CD2AP: variants seen among roughly 807,000 people sequenced by gnomAD.
The protein encoded by CD2AP is CD2 associated protein, also known as CD2-associated protein.
CD2AP carries 46 observed loss-of-function variants against 85.1 expected under a neutral mutation model. The ratio of observed to expected loss-of-function variants is 0.54; its 90% CI spans 0.43 to 0.69. CD2AP has a LOEUF of 0.69. Among genes scored for constraint, CD2AP ranks in the 30% least tolerant of loss-of-function variants. CD2AP has a pLI of 0.00. For missense variants in CD2AP, 769 were observed against 729.5 expected (o/e 1.05, Z -0.62); for synonymous variants, 255 against 252.9 (o/e 1.01, Z -0.08).
intron 1 of CD2AP, among the ~76,000 whole-genome samples, chr6:47,498,501 TG>T (rs926751536): frequency 6.6e-6 from 1 of 152,200 alleles, no homozygotes; most frequent in African/African-American, 2.4e-5. Context: ...TATTATTTCA[TG>T]GTTAATTCCC....
intron 2 of CD2AP, among the ~76,000 whole-genome samples, chr6:47,511,033 A>G (rs2113992917): frequency 7.5e-6 from 1 of 132,580 alleles, no homozygotes; most frequent in Non-Finnish European, 1.6e-5. Flanking sequence ...AGATCGCGCC[A>G]CTGCACCCCA....
chr6:47,608,914 TG>T (rs1769347127), intron 15 of CD2AP, among the ~76,000 whole-genome samples: 1 of 152,166 alleles, frequency 6.6e-6, no homozygotes, highest in Non-Finnish European at 1.5e-5. Context: ...TTAATAAAAT[TG>T]TCATTTTCTA....
At chr6:47,530,526 T>G (rs1037123017) in intron 2 of CD2AP, among the ~76,000 whole-genome samples, 7 of 152,254 alleles carry the variant, frequency 4.6e-5, no homozygotes, top group Non-Finnish European at 8.8e-5. Context: ...TATCAATAAC[T>G]TCTTCATTTT....
chr6:47,510,634 T>C (rs527284449), intron 2 of CD2AP, among the ~76,000 whole-genome samples: 3 of 152,268 alleles, frequency 2.0e-5, no homozygotes, highest in Non-Finnish European at 2.9e-5. Flanking sequence ...TGAGTCCATA[T>C]TGATATAAAT....
At chr6:47,582,120 A>G in intron 11 of CD2AP, 55 bp downstream of exon 11, 1 of 1,086,104 alleles carries the variant, frequency 9.2e-7, no homozygotes, top group Non-Finnish European at 1.4e-6. Context: ...TTGTCATTTT[A>G]AAGAGAATTA....
chr6:47,593,913 G>T (rs746489910), intron 11 of CD2AP, among the ~76,000 whole-genome samples: 2 of 152,118 alleles, frequency 1.3e-5, no homozygotes. Flanking sequence ...AACAGATTGT[G>T]TTTTATATAT....
intron 17 of CD2AP, among the ~76,000 whole-genome samples, chr6:47,619,780 T>C (rs925720853): frequency 1.3e-5 from 2 of 152,236 alleles, no homozygotes; most frequent in African/African-American, 4.8e-5. Flanking sequence ...AGTAAGGTGG[T>C]ATCGGATTGT....
intron 11 of CD2AP, among the ~76,000 whole-genome samples, chr6:47,583,687 G>A (rs1768543743): frequency 6.6e-6 from 1 of 152,214 alleles, no homozygotes; most frequent in African/African-American, 2.4e-5. Context: ...CATCGTGATT[G>A]CTTCTAAGTT....
intron 16 of CD2AP, among the ~76,000 whole-genome samples, chr6:47,610,705 C>G (rs940310782): frequency 6.6e-6 from 1 of 151,400 alleles, no homozygotes; most frequent in East Asian, 1.9e-4. Flanking sequence ...GATGGTATTT[C>G]TTGGAATCCT....
At chr6:47,528,713 G>T (rs1009791146) in intron 2 of CD2AP, among the ~76,000 whole-genome samples, 1 of 152,112 alleles carries the variant, frequency 6.6e-6, no homozygotes, top group African/African-American at 2.4e-5. Flanking sequence ...GTCACAAAAA[G>T]GGTCACAAGT....
chr6:47,478,257 C>T lies in CD2AP; in HGVS notation c.4+9C>T. The stretch of plus-strand genomic sequence containing the variant: ...GGGAGCCCCCAGCATGGGTAAGAGA[C>T]TCGGGCGCTTCCCGCCGCCCGTCCG... On this transcript the variant is annotated intron_variant, in intron 1 of 17. Coordinates refer to ENST00000359314, the MANE Select transcript of CD2AP (RefSeq NM_012120.3). 6.4e-7 allele frequency: 1 copy of T among 1,570,888 alleles called. No homozygotes were observed. The highest frequency in any genetic ancestry group is 8.6e-7 in the Non-Finnish European group (1 of 1,158,526).
chr6:47,523,640 TTGA>T (rs1766650778), intron 2 of CD2AP, among the ~76,000 whole-genome samples: 1 of 152,190 alleles, frequency 6.6e-6, no homozygotes, highest in African/African-American at 2.4e-5. Flanking sequence ...ATTCTGTGAC[TTGA>T]GTTATTTTAG....
intron 2 of CD2AP, among the ~76,000 whole-genome samples, chr6:47,509,704 A>G (rs540936796): frequency 6.6e-6 from 1 of 152,344 alleles, no homozygotes; most frequent in East Asian, 1.9e-4. Flanking sequence ...CTGGATTTAA[A>G]TGCAGTCAAG....
intron 3 of CD2AP, among the ~76,000 whole-genome samples, chr6:47,542,159 A>G (rs1767230560): frequency 6.6e-6 from 1 of 152,128 alleles, no homozygotes; most frequent in Admixed American, 6.5e-5. Flanking sequence ...TTTATATTAA[A>G]TATTTTACTC....
At chr6:47,568,788 C>T (rs546153440) in intron 5 of CD2AP, among the ~76,000 whole-genome samples, 1 of 151,748 alleles carries the variant, frequency 6.6e-6, no homozygotes, top group African/African-American at 2.4e-5. Context: ...GATTAGATGA[C>T]CTAGGGAGAA....
At position 47,532,618 on chromosome 6, in the gene CD2AP, T is replaced by C. The variant is rs1218752874; in HGVS notation, c.166-984T>C. On this transcript the variant is annotated intron_variant, in intron 2 of 17. Transcript: ENST00000359314. Reference sequence around the variant, plus strand: ...CCTATTTTGTTTCATTTATCAGTACTGTCTTTATGCCAGTAGCACATTGTC... The same window carrying C: ...CCTATTTTGTTTCATTTATCAGTACCGTCTTTATGCCAGTAGCACATTGTC... Among the ~76,000 whole-genome samples, 6 of 152,182 alleles carry C rather than the reference T, an allele frequency of 3.9e-5. No individual in the cohort carries two copies. In the South Asian group the frequency reaches 1.2e-3, roughly 32 times the overall value.
At chr6:47,603,307 A>G (rs2114142237) in intron 13 of CD2AP, among the ~76,000 whole-genome samples, 1 of 152,198 alleles carries the variant, frequency 6.6e-6, no homozygotes, top group African/African-American at 2.4e-5. Flanking sequence ...AATATTTAAC[A>G]TATTTTTCTT....
At chr6:47,613,505 A>T (rs1426150035) in intron 17 of CD2AP, among the ~76,000 whole-genome samples, 1 of 141,826 alleles carries the variant, frequency 7.1e-6, no homozygotes, top group East Asian at 2.0e-4. Flanking sequence ...TTTAAAAATA[A>T]TCCTTTTTTT....
chr6:47,584,420 T>A (rs1168659653), intron 11 of CD2AP, among the ~76,000 whole-genome samples: 1 of 24,420 alleles, frequency 4.1e-5, no homozygotes, highest in African/African-American at 1.1e-4. Flanking sequence ...TCTAGATTCA[T>A]TTTTTTTTTT....
Sources: allele counts gnomAD v4.1 joint callset (sites outside exome capture counted in the v4.1 genomes callset), GRCh38; gene constraint gnomAD v4.1.1; transcripts MANE v1.5; gene names NCBI Gene and HGNC (gene_info 2026-07-23, HGNC 2026-07-21).